The following GALNT11 variants were observed in gnomAD, a reference collection of about 807,000 sequenced individuals.
GALNT11 encodes the protein UDP-GalNAc:polypeptide N-acetylgalactosaminyltransferase 11.
A neutral mutation model predicts 72.7 loss-of-function variants in GALNT11; 47 were observed. That is an observed-to-expected ratio of 0.65 (90% CI 0.51 to 0.82). The LOEUF (loss-of-function observed/expected upper bound fraction) is 0.82. GALNT11 is among the 40% of genes least tolerant of loss of function. GALNT11 has a pLI of 0.00. For missense variants in GALNT11, 677 were observed against 778.4 expected, an observed-to-expected ratio of 0.87 and a Z score of 1.55; for synonymous variants, 270 against 286.6, an observed-to-expected ratio of 0.94 and a Z score of 0.58.
At chr7:152,121,234 T>C (rs1350524410) in intron 11 of GALNT11, among the ~76,000 whole-genome samples, 1 of 152,222 alleles carries the variant, frequency 6.6e-6, no homozygotes, top group East Asian at 1.9e-4. Flanking sequence ...AACAGCATAC[T>C]GTGGTTGCGC....
At chr7:152,114,622 G>A (rs190130191) in intron 8 of GALNT11, among the ~76,000 whole-genome samples, 284 of 151,602 alleles carry the variant, frequency 1.9e-3, no homozygotes, top group Non-Finnish European at 2.9e-3. Flanking sequence ...GTGCAACGGC[G>A]CAATCTCGGC....
intron 1 of GALNT11, among the ~76,000 whole-genome samples, chr7:152,081,392 T>G (rs2085316034): frequency 6.6e-6 from 1 of 152,206 alleles, no homozygotes; most frequent in Admixed American, 6.5e-5. Flanking sequence ...CTCAGGCTAA[T>G]CTGATGATGA....
intron 1 of GALNT11, chr7:152,027,692 T>A (rs1444399344): frequency 1.3e-5 from 2 of 154,118 alleles, no homozygotes; most frequent in Non-Finnish European, 2.9e-5. Context: ...CTCGCTGACT[T>A]CAAGAATGAA....
intron 1 of GALNT11, among the ~76,000 whole-genome samples, chr7:152,051,464 G>A (rs1437450883): frequency 1.3e-5 from 2 of 151,786 alleles, no homozygotes; most frequent in Non-Finnish European, 2.9e-5. Flanking sequence ...TGCTCGTGAT[G>A]GACTAGTTTT....
rs1432791515 is a variant in GALNT11 at position 152,108,240 on chromosome 7, C to T, written c.915C>T (p.Val305=). The change falls in exon 6 of 12, where the codon GTC becomes GTT. Residue 305 remains valine, a synonymous_variant. Transcript: ENST00000430044. ...GACTGCACTTCAAATGGGATCTTGT[C>T]CCCCTTTCTGAGCTAGGACGAGCGG... ...NWGLHFKWDL[V]PLSELGRAEG... The T allele has an allele frequency of 6.2e-7, 1 of 1,613,996 alleles. No homozygotes were observed. The highest frequency in any genetic ancestry group is 1.1e-5 in the South Asian group (1 of 91,074).
intron 10 of GALNT11, 84 bp downstream of exon 10, chr7:152,118,866 C>T (rs183783804): frequency 2.9e-6 from 3 of 1,046,246 alleles, no homozygotes; most frequent in Admixed American, 2.6e-5. Context: ...CTCCTGAGGA[C>T]ATCAGTGTCT....
intron 1 of GALNT11, among the ~76,000 whole-genome samples, chr7:152,026,183 C>T (rs973508142): frequency 1.3e-5 from 2 of 152,206 alleles, no homozygotes; most frequent in East Asian, 3.9e-4. Context: ...TGCAGCCTCC[C>T]CCAGCATTTC....
At chr7:152,089,156 G>A (rs994599204) in intron 1 of GALNT11, among the ~76,000 whole-genome samples, 5 of 152,146 alleles carry the variant, frequency 3.3e-5, no homozygotes, top group African/African-American at 1.2e-4. Context: ...GGGAACGAGT[G>A]TGGCTGATGG....
At chr7:152,078,664 C>T (rs931581788) in intron 1 of GALNT11, among the ~76,000 whole-genome samples, 5 of 152,102 alleles carry the variant, frequency 3.3e-5, no homozygotes, top group African/African-American at 1.2e-4. Flanking sequence ...CTTCCTTCCC[C>T]TCCTCCTTTC....
intron 1 of GALNT11, among the ~76,000 whole-genome samples, chr7:152,036,708 G>T (rs1315781030): frequency 6.6e-6 from 1 of 152,146 alleles, no homozygotes; most frequent in East Asian, 1.9e-4. Flanking sequence ...CCCACCAATG[G>T]TGTATGAGGA....
intron 1 of GALNT11, among the ~76,000 whole-genome samples, chr7:152,051,205 T>TTG (rs2083383540): frequency 1.4e-5 from 2 of 146,690 alleles, no homozygotes; most frequent in African/African-American, 5.0e-5. Flanking sequence ...GGTTGTTTTT[T>TTG]TTTTTTTTTT....
At chr7:152,105,219 G>C in intron 4 of GALNT11, 26 bp from the exon 5 acceptor site, 1 of 1,608,132 alleles carries the variant, frequency 6.2e-7, no homozygotes, top group African/African-American at 1.3e-5. Flanking sequence ...CATACAGTTT[G>C]AATAATTGTG....
chr7:152,089,200 G>A (rs1282480108), intron 1 of GALNT11, among the ~76,000 whole-genome samples: 2 of 152,126 alleles, frequency 1.3e-5, no homozygotes, highest in Admixed American at 6.6e-5. Context: ...GTGGACAACA[G>A]TCTTTGTGCA....
rs759105777 is a variant in GALNT11 at position 152,091,303 on chromosome 7, C to T, written c.-38-2887C>T. On this transcript the variant is annotated intron_variant, in intron 1 of 11. Coordinates refer to ENST00000430044, the MANE Select transcript of GALNT11 (RefSeq NM_022087.4). ...TCACCCCGGCTAGATTGCAATGGCG[C>T]GATCTCGGCTCACTGCAACCTCCCC... is the stretch of plus-strand genomic sequence containing the variant. Among the ~76,000 whole-genome samples the T allele has an allele frequency of 1.2e-3, 175 of 151,962 alleles. 2 individuals are homozygous for T. Among genetic ancestry groups the T allele is most frequent in the African/African-American group, 3.9e-3 (162 of 41,420 alleles).
intron 1 of GALNT11, among the ~76,000 whole-genome samples, chr7:152,052,851 C>G (rs577909068): frequency 7.2e-5 from 11 of 152,324 alleles, no homozygotes; most frequent in Non-Finnish European, 1.5e-4. Context: ...TCAGTGTTCT[C>G]TCAAATGTGA....
intron 7 of GALNT11, among the ~76,000 whole-genome samples, chr7:152,112,455 C>A (rs7807528): frequency 2.1e-4 from 32 of 151,738 alleles, no homozygotes; most frequent in Admixed American, 7.2e-4. Flanking sequence ...GCAGGAGAAT[C>A]GCTTGAACCT....
Position 152,087,227 on chromosome 7 carries a change from C to T in GALNT11, c.-38-6963C>T, listed in dbSNP as rs574121497. ...GATAAATTCCATGGAATAAGGAAGA[C>T]CAGGTTTAATGTTTAGTGGGTGGAT... On this transcript the variant is annotated intron_variant, in intron 1 of 11. Coordinates refer to ENST00000430044, the MANE Select transcript of GALNT11 (RefSeq NM_022087.4). Among the ~76,000 whole-genome samples the T allele has an allele frequency of 1.1e-3, 170 of 152,184 alleles. 2 individuals carry two copies. The highest frequency in any genetic ancestry group is 4.0e-3 in the African/African-American group (165 of 41,532).
chr7:152,116,010 C>G (rs573904047), intron 8 of GALNT11, among the ~76,000 whole-genome samples: 1 of 152,034 alleles, frequency 6.6e-6, no homozygotes, highest in Non-Finnish European at 1.5e-5. Flanking sequence ...GTGCCGAGAT[C>G]GTGCCATTGT....
Position 152,103,794 on chromosome 7 carries a change from C to T in GALNT11, c.586+516C>T, listed in dbSNP as rs771870550. On this transcript the variant is annotated intron_variant, in intron 4 of 11. Transcript: ENST00000430044. ...TACTCTTCCCCAGTCCCTGAAACCA[C>T]GACTCTATGATTTTGTTTCCATCTC... The T allele has an allele frequency of 5.2e-5, 8 of 153,806 alleles. No individual in the cohort carries two copies. The South Asian group carries it at 6.1e-4, about 12-fold the overall frequency. The allele number at this position is 153,806 out of a possible 1,614,324, so 9.5% of individuals were successfully genotyped here.
Sources: allele counts gnomAD v4.1 joint callset (sites outside exome capture counted in the v4.1 genomes callset), GRCh38; gene constraint gnomAD v4.1.1; transcripts MANE v1.5; gene names NCBI Gene and HGNC (gene_info 2026-07-23, HGNC 2026-07-21).